The following FANCD2 variants were observed in gnomAD, a reference collection of about 807,000 sequenced individuals.
The protein encoded by FANCD2 is Fanconi anemia group D2 protein.
FANCD2 carries 131 observed loss-of-function variants against 192.3 expected under a neutral mutation model. That is an observed-to-expected ratio of 0.68 (90% confidence interval 0.59 to 0.79). The LOEUF is 0.79. Among genes scored for constraint, FANCD2 ranks in the 30% least tolerant of loss-of-function variants. FANCD2 has a pLI of 0.00. For synonymous variants in FANCD2, 524 were observed against 612.5 expected (o/e 0.86, Z 2.13); for missense variants, 1,508 against 1,701.6 (o/e 0.89, Z 2.00).
intron 36 of FANCD2, 138 bp from the exon 37 acceptor site, chr3:10,090,154 C>T: frequency 1.5e-6 from 1 of 678,630 alleles, no homozygotes; most frequent in South Asian, 1.5e-5. Flanking sequence ...TTCCGCTCCC[C>T]CATCCTCTTA....
At chr3:10,032,673 A>G (rs1295248070) in intron 2 of FANCD2, among the ~76,000 whole-genome samples, 159 bp from the exon 3 acceptor site, 1 of 147,076 alleles carries the variant, frequency 6.8e-6, no homozygotes, top group Non-Finnish European at 1.5e-5. Context: ...TTGTTTTGGA[A>G]GCCACTATTG....
At chr3:10,032,171 C>T (rs1412554434) in intron 2 of FANCD2, 1 of 223,106 alleles carries the variant, frequency 4.5e-6, no homozygotes, top group Non-Finnish European at 9.4e-6. Context: ...ATAAGCTTCC[C>T]AGGGATTCCA....
chr3:10,034,218 G>T (rs566627235), intron 3 of FANCD2, among the ~76,000 whole-genome samples: 1 of 92,710 alleles, frequency 1.1e-5, no homozygotes, highest in Non-Finnish European at 2.1e-5. Flanking sequence ...CAGCTACTTG[G>T]GGGGGCTGAG....
Position 10,032,877 on chromosome 3 carries a change from T to C in FANCD2, c.110T>C (p.Ile37Thr). ...PLSKKTKKSHIANEVEENDSI... is the reference protein window; with the variant it reads ...PLSKKTKKSHTANEVEENDSI... ...TCCAAAAAGACAAAGAAATCTCATA[T>C]TGCTAATGAAGTTGAAGAAAATGAC... The change falls in exon 3 of 44, where the codon ATT becomes ACT. Residue 37 changes from isoleucine to threonine, a missense_variant. Transcript: ENST00000675286. The C allele has an allele frequency of 6.2e-7, 1 of 1,612,618 alleles. No individual in the cohort carries two copies. The highest frequency in any genetic ancestry group is 8.5e-7 in the Non-Finnish European group (1 of 1,178,844).
rs2125026841 is a variant in FANCD2 at position 10,060,397 on chromosome 3, C to G, written c.1760C>G (p.Ala587Gly). Residue 587 changes from alanine to glycine, a missense_variant, in exon 19 of 44, where the codon GCA becomes GGA. This residue lies in a region of FANCD2 where 110 missense variants were observed against 114.4 expected (regional missense o/e 0.96). Transcript: ENST00000675286. ...GAVTMAGIMA[A>G]DRSESPSLTQ... ...GTGACCATGGCTGGCATCATGGCGG[C>G]AGACAGGTACACGTGGAGATTCTGA... 1 of 1,612,312 alleles carries G rather than the reference C, an allele frequency of 6.2e-7. No homozygotes were observed. The highest frequency in any genetic ancestry group is 8.5e-7 in the Non-Finnish European group (1 of 1,178,416).
chr3:10,048,118 C>G, intron 16 of FANCD2, 67 bp downstream of exon 16: 1 of 1,607,000 alleles, frequency 6.2e-7, no homozygotes, highest in Non-Finnish European at 8.5e-7. Flanking sequence ...ATGTTTATTT[C>G]TTGTTGGTTG....
At position 10,036,980 on chromosome 3, in the gene FANCD2, T is replaced by C. The variant is rs550225055; in HGVS notation, c.491+641T>C. Among the ~76,000 whole-genome samples, 79 of 151,196 alleles carry C rather than the reference T, an allele frequency of 5.2e-4. 1 individual carries two copies. Among genetic ancestry groups the C allele is most frequent in the Admixed American group, 4.9e-3 (74 of 15,140 alleles). On this transcript the variant is annotated intron_variant, in intron 7 of 43. Coordinates refer to ENST00000675286, the MANE Select transcript of FANCD2 (RefSeq NM_001018115.3). ...CATCATGAGTGCCTGGGACTACAGG[T>C]GTGCGCCACCCGGTCCAGCTAATTT... is the stretch of plus-strand genomic sequence containing the variant.
In FANCD2 at chr3:10,065,962, C is replaced by T; in HGVS notation, c.2368C>T (p.Leu790Phe). 1 of 1,607,962 alleles carries T rather than the reference C, an allele frequency of 6.2e-7. No individual in the cohort carries two copies. Reference protein sequence around the residue: ...SFMCSLIFLTLNWFREIVNAF... With the variant: ...SFMCSLIFLTFNWFREIVNAF... The stretch of plus-strand genomic sequence containing the variant: ...CATGTGTTCTCTCATATTTCTTACT[C>T]TCAACTGGTTCCGAGAGGTGAGCAG... The change falls in exon 25 of 44, where the codon CTC (leucine) becomes TTC (phenylalanine). Residue 790 changes from leucine (L) to phenylalanine (F), a missense_variant. Coordinates refer to ENST00000675286, the MANE Select transcript of FANCD2 (RefSeq NM_001018115.3).
At chr3:10,073,029 T>C (rs530409738) in intron 27 of FANCD2, 48 bp downstream of exon 27, 24 of 1,145,960 alleles carry the variant, frequency 2.1e-5, no homozygotes, top group South Asian at 1.8e-4. Flanking sequence ...ATAAGCTTCA[T>C]TGAATTAACC....
intron 10 of FANCD2, among the ~76,000 whole-genome samples, chr3:10,042,143 C>A (rs760427946): frequency 2.0e-5 from 3 of 152,054 alleles, no homozygotes; most frequent in Non-Finnish European, 2.9e-5. Flanking sequence ...TTTTCCACCC[C>A]CCTCGGCCTC....
At chr3:10,056,295 T>A (rs2087410460) in intron 18 of FANCD2, among the ~76,000 whole-genome samples, 1 of 152,196 alleles carries the variant, frequency 6.6e-6, no homozygotes. Flanking sequence ...TTTACAAATA[T>A]TTGTTTGAGT....
At chr3:10,042,934 A>G (rs2086901089) in intron 11 of FANCD2, 116 bp from the exon 12 acceptor site, 2 of 951,692 alleles carry the variant, frequency 2.1e-6, no homozygotes, top group Non-Finnish European at 3.3e-6. Context: ...AAAATGTCCA[A>G]CATTTAAATT....
At chr3:10,028,452 G>T (rs1188192548) in intron 1 of FANCD2, among the ~76,000 whole-genome samples, 173 bp from the exon 2 acceptor site, 1 of 152,234 alleles carries the variant, frequency 6.6e-6, no homozygotes, top group South Asian at 2.1e-4. Context: ...AAGGAAGGTA[G>T]TATTGGCTAG....
chr3:10,092,170 G>A lies in FANCD2; in HGVS notation c.3778-11G>A. ...GTGACTCAGAGGTGCCCATATATTT[G>A]GCTGCCCCAGATTCATGAAGAGAAA... On this transcript the variant is annotated splice_polypyrimidine_tract_variant and intron_variant, in intron 37 of 43. Coordinates refer to ENST00000675286, the MANE Select transcript of FANCD2 (RefSeq NM_001018115.3). The A allele has an allele frequency of 6.2e-7, 1 of 1,608,502 alleles. No individual in the cohort carries two copies. The highest frequency in any genetic ancestry group is 8.5e-7 in the Non-Finnish European group (1 of 1,174,902).
intron 10 of FANCD2, 36 bp from the exon 11 acceptor site, chr3:10,042,523 G>A (rs1487446222): frequency 3.3e-6 from 5 of 1,507,836 alleles, no homozygotes; most frequent in African/African-American, 1.4e-5. Flanking sequence ...GTAGTGACAT[G>A]AAAACCTATT....
At chr3:10,093,255 G>A in intron 38 of FANCD2, 30 bp from the exon 39 acceptor site, 1 of 1,603,888 alleles carries the variant, frequency 6.2e-7, no homozygotes, top group Non-Finnish European at 8.5e-7. Context: ...GCAGATCTCA[G>A]CCTTGGTTTC....
At chr3:10,062,247 C>CTTTTTTTTT in intron 20 of FANCD2, 36 bp downstream of exon 20, 1 of 1,340,392 alleles carries the variant, frequency 7.5e-7, no homozygotes, top group Non-Finnish European at 1.0e-6. Flanking sequence ...TTTTTCCTGT[C>CTTTTTTTTT]TTTTTTTTTT....
chr3:10,072,549 G>A lies in FANCD2; in HGVS notation c.2495-322G>A, dbSNP rs113336560. Among the ~76,000 whole-genome samples, 335 of 152,278 alleles carry A rather than the reference G, an allele frequency of 2.2e-3. 2 individuals are homozygous for A. The highest frequency in any genetic ancestry group is 3.3e-3 in the Non-Finnish European group (223 of 68,016). On this transcript the variant is annotated intron_variant, in intron 26 of 43. Coordinates refer to ENST00000675286, the MANE Select transcript of FANCD2 (RefSeq NM_001018115.3). ...GCGCCTTGACCTCCCAAAGTGCTTG[G>A]GGTTACAGGCGCGAGCCACCCTGCC...
At position 10,078,186 on chromosome 3, in the gene FANCD2, C is replaced by G. The variant is rs200568638; in HGVS notation, c.2965C>G (p.Pro989Ala). 115 of 1,604,526 alleles carry G rather than the reference C, an allele frequency of 7.2e-5. No homozygotes were observed. Among genetic ancestry groups the G allele is most frequent in the Middle Eastern group, 6.6e-4 (4 of 6,042 alleles). Reference protein sequence around the residue: ...MLTPPIARRVPFLKNKGSRNI... With the variant: ...MLTPPIARRVAFLKNKGSRNI... ...GACACCTCCTATTGCCAGGAGAGTC[C>G]CCTTTCTCAAGGTTAGTGTAGGCAG... Residue 989 changes from proline to alanine, a missense_variant, in exon 30 of 44, where the codon CCC (proline) becomes GCC (alanine). Physicochemically the swap from Pro to Ala is conservative, Grantham distance 27. This residue lies in a region of FANCD2 where 796 missense variants were observed against 879.4 expected (regional missense o/e 0.91). Transcript: ENST00000675286.
Sources: allele counts gnomAD v4.1 joint callset (sites outside exome capture counted in the v4.1 genomes callset), GRCh38; gene constraint gnomAD v4.1.1; regional missense constraint gnomAD v4.1.1; transcripts MANE v1.5; gene names NCBI Gene and HGNC (gene_info 2026-07-23, HGNC 2026-07-21).